Variants in MAGI2 observed in about 807,000 individuals in gnomAD.
The protein encoded by MAGI2 is membrane-associated guanylate kinase, WW and PDZ domain-containing protein 2.
A neutral mutation model predicts 133.3 loss-of-function variants in MAGI2; 35 were observed. That is an observed-to-expected ratio of 0.26 (90% CI 0.20 to 0.35). The LOEUF (loss-of-function observed/expected upper bound fraction) is 0.35, where lower values mean the gene tolerates loss of function less well. Among genes scored for constraint, MAGI2 ranks in the 10% least tolerant of loss-of-function variants. MAGI2 has a pLI of 1.00. For synonymous variants in MAGI2, 729 were observed against 710.6 expected (o/e 1.03, Z -0.41); for missense variants, 1,636 against 1,863.4 (o/e 0.88, Z 2.25).
chr7:78,234,336 C>T (rs1036099554), intron 10 of MAGI2, among the ~76,000 whole-genome samples: 1 of 152,074 alleles, frequency 6.6e-6, no homozygotes, highest in African/African-American at 2.4e-5. Context: ...CTCATTACAA[C>T]CCACTCTCCT....
At chr7:78,372,901 G>A (rs1794066262) in intron 6 of MAGI2, among the ~76,000 whole-genome samples, 1 of 152,114 alleles carries the variant, frequency 6.6e-6, no homozygotes, top group Admixed American at 6.6e-5. Flanking sequence ...TGGTAGCTCA[G>A]TAAGAAGATA....
At chr7:78,436,572 C>T (rs1800307598) in intron 6 of MAGI2, among the ~76,000 whole-genome samples, 1 of 152,140 alleles carries the variant, frequency 6.6e-6, no homozygotes, top group South Asian at 2.1e-4. Flanking sequence ...CCCAAACAAA[C>T]AAAAACCTAG....
intron 1 of MAGI2, among the ~76,000 whole-genome samples, chr7:79,079,181 C>A (rs1223797806): frequency 6.6e-6 from 1 of 152,156 alleles, no homozygotes; most frequent in African/African-American, 2.4e-5. Flanking sequence ...GTACCTCTAA[C>A]ATCTCAAATA....
Position 78,070,168 on chromosome 7 carries a change from CACACACATATATATATAT to C in MAGI2, c.3706+8761_3706+8778del, listed in dbSNP as rs1416576268. Reference sequence around the variant, plus strand: ...ATATATACACACATATATATACACACACACACATATATATATATATATATATATATATATATATATATA... The same window carrying C: ...ATATATACACACATATATATACACACATATATATATATATATATATATATA... On this transcript the variant is annotated intron_variant, in intron 21 of 21. Coordinates refer to ENST00000354212, the MANE Select transcript of MAGI2 (RefSeq NM_012301.4). Among the ~76,000 whole-genome samples the C allele has an allele frequency of 3.6e-3, 279 of 78,098 alleles. 1 individual carries two copies. The highest frequency in any genetic ancestry group is 5.0e-3 in the Non-Finnish European group (212 of 42,772). 51.2% of individuals were successfully genotyped at this position (78,098 alleles called of 152,430 possible). A position where few individuals can be genotyped will look rare whatever the true frequency, so the allele number is the denominator to read the frequency against.
intron 2 of MAGI2, among the ~76,000 whole-genome samples, chr7:78,702,951 G>A (rs1189386161): frequency 6.6e-6 from 1 of 151,896 alleles, no homozygotes; most frequent in African/African-American, 2.4e-5. Context: ...TGGGTTAAAA[G>A]AATCACCCAA....
At chr7:79,175,926 T>C (rs1826053333) in intron 1 of MAGI2, among the ~76,000 whole-genome samples, 1 of 152,070 alleles carries the variant, frequency 6.6e-6, no homozygotes, top group African/African-American at 2.4e-5. Flanking sequence ...AGTGATTTAT[T>C]TTTCTTAATA....
intron 9 of MAGI2, among the ~76,000 whole-genome samples, chr7:78,324,412 T>C (rs535566739): frequency 1.5e-4 from 23 of 152,302 alleles, no homozygotes; most frequent in African/African-American, 5.1e-4. Flanking sequence ...AACAGCACAG[T>C]AGTCAAGACA....
intron 1 of MAGI2, among the ~76,000 whole-genome samples, chr7:79,275,169 G>A (rs1835145040): frequency 6.6e-6 from 1 of 152,148 alleles, no homozygotes; most frequent in Non-Finnish European, 1.5e-5. Context: ...CATATCTAGT[G>A]ATGAGATAGA....
At chr7:78,625,492 A>T (rs934517075) in intron 3 of MAGI2, among the ~76,000 whole-genome samples, 3 of 152,128 alleles carry the variant, frequency 2.0e-5, no homozygotes, top group Admixed American at 6.6e-5. Context: ...TTTATAAAGT[A>T]AAAAGTTACA....
At chr7:78,106,880 G>A (rs866450915) in intron 20 of MAGI2, among the ~76,000 whole-genome samples, 45 of 151,968 alleles carry the variant, frequency 3.0e-4, no homozygotes, top group African/African-American at 1.1e-3. Context: ...CCATTTGTCT[G>A]TATTTATTTT....
chr7:79,067,271 T>C (rs1292874362), intron 1 of MAGI2, among the ~76,000 whole-genome samples: 1 of 152,202 alleles, frequency 6.6e-6, no homozygotes, highest in East Asian at 1.9e-4. Flanking sequence ...GTGTCCTCTC[T>C]TATTTCCTTG....
intron 2 of MAGI2, among the ~76,000 whole-genome samples, chr7:78,942,290 A>T (rs914035745): frequency 5.3e-5 from 8 of 151,998 alleles, no homozygotes; most frequent in African/African-American, 9.7e-5. Context: ...TTATTTTTTT[A>T]AACTAAAATA....
intron 3 of MAGI2, among the ~76,000 whole-genome samples, chr7:78,591,828 G>T (rs2150845570): frequency 1.3e-5 from 2 of 152,144 alleles, no homozygotes; most frequent in Middle Eastern, 6.8e-3. Context: ...AAACATAAAA[G>T]GGAAAGACCA....
intron 2 of MAGI2, among the ~76,000 whole-genome samples, chr7:78,681,404 C>A (rs1815643710): frequency 6.6e-6 from 1 of 152,166 alleles, no homozygotes; most frequent in Non-Finnish European, 1.5e-5. Context: ...CTGTCACTTA[C>A]TATTACCCAG....
intron 3 of MAGI2, among the ~76,000 whole-genome samples, chr7:78,536,727 A>AT (rs55829507): frequency 0.063 from 9,367 of 148,664 alleles, 383 homozygotes; most frequent in Non-Finnish European, 0.095. Context: ...TTTTTAAAAA[A>AT]TTTCAATAGT....
intron 2 of MAGI2, among the ~76,000 whole-genome samples, chr7:78,730,067 C>T (rs985719500): frequency 6.6e-6 from 1 of 152,036 alleles, no homozygotes; most frequent in African/African-American, 2.4e-5. Flanking sequence ...TGAAATAAAC[C>T]AAATGCAACT....
At chr7:79,136,597 T>C (rs531272648) in intron 1 of MAGI2, among the ~76,000 whole-genome samples, 4 of 152,318 alleles carry the variant, frequency 2.6e-5, no homozygotes, top group African/African-American at 9.6e-5. Flanking sequence ...TTCAGACCTA[T>C]TGATGGCAAA....
At chr7:78,925,946 A>T (rs1010362591) in intron 2 of MAGI2, among the ~76,000 whole-genome samples, 1 of 152,024 alleles carries the variant, frequency 6.6e-6, no homozygotes, top group Non-Finnish European at 1.5e-5. Flanking sequence ...TGCTGTTCAC[A>T]TTACATGCCC....
intron 6 of MAGI2, among the ~76,000 whole-genome samples, chr7:78,489,546 G>A (rs546443592): frequency 2.6e-4 from 40 of 152,178 alleles, no homozygotes; most frequent in African/African-American, 8.9e-4. Context: ...TGACAGAGAT[G>A]TGATATTCAG....
Sources: gnomAD v4.1 joint callset for allele counts (sites outside exome capture counted in the v4.1 genomes callset) on GRCh38, gnomAD v4.1.1 for gene constraint, MANE v1.5 for transcripts, NCBI Gene and HGNC (gene_info 2026-07-23, HGNC 2026-07-21) for gene names.